Variants in ST3GAL3 observed in about 807,000 individuals in gnomAD.
The protein encoded by ST3GAL3 is CMP-N-acetylneuraminate-beta-1,4-galactoside alpha-2,3-sialyltransferase.
ST3GAL3 carries 21 observed loss-of-function variants against 50.1 expected under a neutral mutation model. That is an observed-to-expected ratio of 0.42 (90% CI 0.30 to 0.60). The LOEUF is 0.60. Among genes scored for constraint, ST3GAL3 ranks in the 20% least tolerant of loss-of-function variants. The pLI, the probability that ST3GAL3 is intolerant of heterozygous loss-of-function variation, is 0.19. For missense variants in ST3GAL3, 353 were observed against 489.4 expected, an observed-to-expected ratio of 0.72 and a Z score of 2.63; for synonymous variants, 183 against 190.0, an observed-to-expected ratio of 0.96 and a Z score of 0.30.
chr1:43,791,207 C>T (rs1267064570), intron 2 of ST3GAL3, among the ~76,000 whole-genome samples: 1 of 152,306 alleles, frequency 6.6e-6, no homozygotes, highest in South Asian at 2.1e-4. Flanking sequence ...CAGTCCAGTT[C>T]CTAATATAAA....
intron 4 of ST3GAL3, among the ~76,000 whole-genome samples, chr1:43,822,294 T>G (rs1015158516): frequency 6.6e-6 from 1 of 152,176 alleles, no homozygotes; most frequent in African/African-American, 2.4e-5. Context: ...TGAGCCGACG[T>G]GGGCCTTCTG....
intron 1 of ST3GAL3, among the ~76,000 whole-genome samples, chr1:43,729,398 T>A (rs992832003): frequency 6.6e-5 from 10 of 152,190 alleles, no homozygotes; most frequent in Non-Finnish European, 2.9e-5. Context: ...AAAACCATTT[T>A]TTTCCCACTG....
intron 2 of ST3GAL3, among the ~76,000 whole-genome samples, chr1:43,783,243 C>G (rs1462962566): frequency 6.6e-6 from 1 of 152,228 alleles, no homozygotes; most frequent in African/African-American, 2.4e-5. Flanking sequence ...ATGCCACCTG[C>G]AGGTCCCTGC....
At chr1:43,741,225 A>C (rs564302051) in intron 2 of ST3GAL3, among the ~76,000 whole-genome samples, 6 of 152,174 alleles carry the variant, frequency 3.9e-5, no homozygotes, top group Admixed American at 3.9e-4. Context: ...GCTACTCGAG[A>C]GGCTGAGGTG....
intron 1 of ST3GAL3, among the ~76,000 whole-genome samples, chr1:43,721,671 G>A (rs947976743): frequency 1.3e-5 from 2 of 151,744 alleles, no homozygotes; most frequent in African/African-American, 2.4e-5. Flanking sequence ...GTGTGACCTC[G>A]GCTCACTGCC....
At chr1:43,769,100 A>T (rs1418613143) in intron 2 of ST3GAL3, among the ~76,000 whole-genome samples, 2 of 152,262 alleles carry the variant, frequency 1.3e-5, no homozygotes, top group Admixed American at 1.3e-4. Context: ...AACGTTAGAG[A>T]AATTCATCAG....
chr1:43,732,348 C>T (rs1676308937), intron 1 of ST3GAL3, among the ~76,000 whole-genome samples: 1 of 152,186 alleles, frequency 6.6e-6, no homozygotes, highest in South Asian at 2.1e-4. Context: ...TGTTTTATCC[C>T]CCACTGTCCC....
chr1:43,722,746 A>G (rs1464886822), intron 1 of ST3GAL3, among the ~76,000 whole-genome samples: 1 of 152,180 alleles, frequency 6.6e-6, no homozygotes, highest in Non-Finnish European at 1.5e-5. Flanking sequence ...TTCTTACAGA[A>G]GCATCTGTGA....
chr1:43,890,535 A>G (rs1269316081), intron 5 of ST3GAL3, among the ~76,000 whole-genome samples: 1 of 152,224 alleles, frequency 6.6e-6, no homozygotes, highest in Non-Finnish European at 1.5e-5. Flanking sequence ...AGCTACAGAA[A>G]GAAAATCCAA....
intron 2 of ST3GAL3, among the ~76,000 whole-genome samples, chr1:43,746,201 C>T (rs1196057584): frequency 6.6e-6 from 1 of 152,158 alleles, no homozygotes; most frequent in Non-Finnish European, 1.5e-5. Context: ...ACCTTGAAGG[C>T]ATCATGTTAA....
intron 2 of ST3GAL3, chr1:43,771,805 T>C (rs941711082): frequency 5.0e-6 from 2 of 397,348 alleles, no homozygotes; most frequent in Admixed American, 4.4e-5. Flanking sequence ...ATGGTTGTTA[T>C]AGTTGTGATG....
intron 1 of ST3GAL3, among the ~76,000 whole-genome samples, chr1:43,714,314 G>T (rs1010314945): frequency 6.6e-6 from 1 of 150,400 alleles, no homozygotes; most frequent in Non-Finnish European, 1.5e-5. Context: ...GTTGCTGGGC[G>T]CAGTGGCTCA....
At chr1:43,925,828 G>T (rs907008627) in intron 11 of ST3GAL3, among the ~76,000 whole-genome samples, 3 of 152,238 alleles carry the variant, frequency 2.0e-5, no homozygotes, top group Non-Finnish European at 4.4e-5. Context: ...CAGCATTCCA[G>T]GAAGAGCATC....
intron 5 of ST3GAL3, chr1:43,879,388 T>G (rs1243525286): frequency 2.2e-6 from 1 of 456,146 alleles, no homozygotes; most frequent in Admixed American, 2.3e-5. Context: ...TGATGATTTA[T>G]CATCCTGGCC....
chr1:43,898,434 G>T, intron 7 of ST3GAL3, 136 bp downstream of exon 7: 1 of 903,262 alleles, frequency 1.1e-6, no homozygotes, highest in South Asian at 1.4e-5. Flanking sequence ...ACACACACAG[G>T]GTGGGTGGAG....
At chr1:43,845,019 T>G (rs2066006678) in intron 5 of ST3GAL3, among the ~76,000 whole-genome samples, 2 of 152,322 alleles carry the variant, frequency 1.3e-5, no homozygotes, top group Admixed American at 1.3e-4. Context: ...ACATAGTTTC[T>G]GTCACTTAGG....
At chr1:43,897,142 A>G (rs2077508115) in intron 6 of ST3GAL3, among the ~76,000 whole-genome samples, 2 of 151,580 alleles carry the variant, frequency 1.3e-5, no homozygotes, top group South Asian at 4.2e-4. Flanking sequence ...TGCTATTACA[A>G]ACAGTTCATC....
At chr1:43,736,075 T>C (rs1303489777) in intron 1 of ST3GAL3, among the ~76,000 whole-genome samples, 158 bp from the exon 2 acceptor site, 4 of 152,160 alleles carry the variant, frequency 2.6e-5, no homozygotes, top group Non-Finnish European at 5.9e-5. Flanking sequence ...AAGCTGTTTT[T>C]TGAGATGGGG....
chr1:43,877,634 TAAGTTTG>T (rs2154253074), intron 5 of ST3GAL3, among the ~76,000 whole-genome samples: 1 of 152,336 alleles, frequency 6.6e-6, no homozygotes, highest in Admixed American at 6.5e-5. Flanking sequence ...GATACAGGTC[TAAGTTTG>T]AGATGGAGAT....
Sources: allele counts gnomAD v4.1 joint callset (sites outside exome capture counted in the v4.1 genomes callset), GRCh38; gene constraint gnomAD v4.1.1; transcripts MANE v1.5; gene names NCBI Gene and HGNC (gene_info 2026-07-23, HGNC 2026-07-21).